Variants in NCKAP5 observed in about 807,000 individuals in gnomAD.
NCKAP5 encodes NCK associated protein 5.
NCKAP5 carries 92 observed loss-of-function variants against 167.0 expected under a neutral mutation model. That is an observed-to-expected ratio of 0.55 (90% CI 0.47 to 0.66). The LOEUF (loss-of-function observed/expected upper bound fraction) is 0.66. NCKAP5 is among the 30% of genes least tolerant of loss of function. The pLI, the probability that NCKAP5 is intolerant of heterozygous loss-of-function variation, is 0.00. For missense variants in NCKAP5, 2,378 were observed against 2,315.0 expected, an observed-to-expected ratio of 1.03 and a Z score of -0.56; for synonymous variants, 891 against 877.4, an observed-to-expected ratio of 1.02 and a Z score of -0.27.
chr2:133,563,608 G>C (rs1688337341), intron 1 of NCKAP5, among the ~76,000 whole-genome samples: 1 of 135,086 alleles, frequency 7.4e-6, no homozygotes, highest in Non-Finnish European at 1.6e-5. Context: ...TCAGATCTCT[G>C]AGATTAAAGG....
At chr2:132,790,272 A>G in intron 12 of NCKAP5, 67 bp from the exon 13 acceptor site, 3 of 1,390,196 alleles carry the variant, frequency 2.2e-6, no homozygotes, top group Admixed American at 2.2e-5. Flanking sequence ...ACACAACCTT[A>G]TGGTGAGGTA....
chr2:132,802,652 A>G (rs192833548), intron 11 of NCKAP5, among the ~76,000 whole-genome samples: 1 of 152,340 alleles, frequency 6.6e-6, no homozygotes, highest in East Asian at 1.9e-4. Flanking sequence ...CCCTGAATAG[A>G]CATAATCAGG....
chr2:132,812,056 T>C (rs1685916590), intron 11 of NCKAP5, among the ~76,000 whole-genome samples: 1 of 152,170 alleles, frequency 6.6e-6, no homozygotes, highest in African/African-American at 2.4e-5. Context: ...CCAGTGGTGG[T>C]GTGTGTTTGG....
At chr2:133,613,224 T>C in the NCKAP5 span, among the ~76,000 whole-genome samples, 1 of 152,218 alleles carries the variant, frequency 6.6e-6, no homozygotes. Flanking sequence ...GATAGAATTA[T>C]TTTCTTGGCT....
At chr2:132,708,253 C>A (rs1688544661) in intron 19 of NCKAP5, among the ~76,000 whole-genome samples, 1 of 152,026 alleles carries the variant, frequency 6.6e-6, no homozygotes, top group East Asian at 1.9e-4. Context: ...ACCAAATGGG[C>A]TTTTAGGGTC....
chr2:133,222,746 AGACTGGAAAGCATGCCTAT>A (rs2086710169), intron 4 of NCKAP5, among the ~76,000 whole-genome samples: 1 of 152,234 alleles, frequency 6.6e-6, no homozygotes, highest in Non-Finnish European at 1.5e-5. Context: ...CTGCTCATGC[AGACTGGAAAGCATGCCTAT>A]TATCCCACTG....
intron 3 of NCKAP5, among the ~76,000 whole-genome samples, chr2:133,304,913 C>A (rs567320374): frequency 6.6e-6 from 1 of 152,256 alleles, no homozygotes; most frequent in East Asian, 1.9e-4. Context: ...TTGGGAGGAG[C>A]AGCTTTGTCA....
chr2:132,988,766 G>A (rs2077369919), intron 7 of NCKAP5, among the ~76,000 whole-genome samples: 1 of 152,112 alleles, frequency 6.6e-6, no homozygotes, highest in East Asian at 1.9e-4. Context: ...AAAGTGCTCT[G>A]TATTTATTTC....
At chr2:133,421,320 C>A (rs1253976049) in intron 3 of NCKAP5, among the ~76,000 whole-genome samples, 1 of 150,008 alleles carries the variant, frequency 6.7e-6, no homozygotes, top group Non-Finnish European at 1.5e-5. Flanking sequence ...CCTCCTAATT[C>A]TTTTGTTACA....
At chr2:132,963,984 G>C in intron 7 of NCKAP5, 115 bp from the exon 8 acceptor site, 6 of 1,204,680 alleles carry the variant, frequency 5.0e-6, no homozygotes, top group Non-Finnish European at 7.1e-6. Context: ...GGGGCTGGGA[G>C]TTTGCTAAAC....
chr2:133,194,506 GC>G lies in NCKAP5; in HGVS notation c.207+19209del, dbSNP rs1340054265. On this transcript the variant is annotated intron_variant, in intron 5 of 19. Coordinates refer to ENST00000409261, the MANE Select transcript of NCKAP5 (RefSeq NM_207363.3). Reference sequence around the variant, plus strand: ...ATCCTCCTCTGTGATCTCACATCTGGCAAGCACAGCTCTCATGCCAAGGACA... The same window carrying G: ...ATCCTCCTCTGTGATCTCACATCTGGAAGCACAGCTCTCATGCCAAGGACA... Among the ~76,000 whole-genome samples, 7 of 151,950 alleles carry G rather than the reference GC, an allele frequency of 4.6e-5. No homozygotes were observed. The East Asian group carries it at 1.4e-3, about 29-fold the overall frequency.
intron 5 of NCKAP5, among the ~76,000 whole-genome samples, chr2:133,154,780 T>C (rs764750102): frequency 1.5e-4 from 23 of 152,340 alleles, no homozygotes; most frequent in Admixed American, 1.2e-3. Context: ...CAGACATGCA[T>C]ACATCAGAGG....
chr2:133,488,856 CAGTG>C (rs983395538), intron 3 of NCKAP5, among the ~76,000 whole-genome samples: 18 of 152,274 alleles, frequency 1.2e-4, no homozygotes, highest in Non-Finnish European at 1.8e-4. Context: ...GTGGAGGTTA[CAGTG>C]AGCTGAGATT....
At chr2:132,891,063 C>T (rs985157369) in intron 8 of NCKAP5, among the ~76,000 whole-genome samples, 7 of 152,158 alleles carry the variant, frequency 4.6e-5, no homozygotes, top group African/African-American at 1.2e-4. Context: ...TGAGGAGCTA[C>T]GCCGTGAGAA....
At chr2:132,895,824 AAAAAAAAAAC>A (rs1429879568) in intron 8 of NCKAP5, among the ~76,000 whole-genome samples, 2 of 147,040 alleles carry the variant, frequency 1.4e-5, no homozygotes, top group African/African-American at 5.3e-5. Flanking sequence ...CTCAAAAAAA[AAAAAAAAAAC>A]AAAAAAAAAA....
At chr2:133,619,373 A>C in the NCKAP5 span, among the ~76,000 whole-genome samples, 2 of 151,980 alleles carry the variant, frequency 1.3e-5, no homozygotes, top group Non-Finnish European at 2.9e-5. Context: ...TACTTCAGCG[A>C]AACAGAAAGC....
chr2:132,677,849 C>T (rs1166439251), intron 19 of NCKAP5, among the ~76,000 whole-genome samples: 3 of 152,108 alleles, frequency 2.0e-5, no homozygotes, highest in Admixed American at 6.5e-5. Flanking sequence ...CTATGACTCA[C>T]TTTGCTCTTC....
At chr2:133,375,019 C>A (rs1157862904) in intron 3 of NCKAP5, among the ~76,000 whole-genome samples, 1 of 152,136 alleles carries the variant, frequency 6.6e-6, no homozygotes, top group Non-Finnish European at 1.5e-5. Flanking sequence ...TCAGTCTGTC[C>A]CTGCGCTTTT....
intron 2 of NCKAP5, among the ~76,000 whole-genome samples, chr2:133,553,305 T>C (rs748496753): frequency 1.1e-4 from 17 of 152,252 alleles, no homozygotes; most frequent in Middle Eastern, 6.8e-3. Flanking sequence ...GGCAGAGCAA[T>C]GAGTTGCCAA....
Sources: gnomAD v4.1 joint callset for allele counts (sites outside exome capture counted in the v4.1 genomes callset) on GRCh38, gnomAD v4.1.1 for gene constraint, MANE v1.5 for transcripts, NCBI Gene and HGNC (gene_info 2026-07-23, HGNC 2026-07-21) for gene names.